CAMK4: variants seen among roughly 807,000 people sequenced by gnomAD.
CAMK4 encodes calcium/calmodulin dependent protein kinase IV, also known as calcium/calmodulin-dependent protein kinase type IV.
CAMK4 carries 22 observed loss-of-function variants against 44.9 expected under a neutral mutation model. The ratio of observed to expected loss-of-function variants is 0.49; its 90% CI spans 0.35 to 0.70. CAMK4 has a LOEUF of 0.70. CAMK4 is among the 30% of genes least tolerant of loss of function. CAMK4 has a pLI of 0.01. For synonymous variants in CAMK4, 218 were observed against 215.4 expected (o/e 1.01, Z -0.11); for missense variants, 498 against 586.8 (o/e 0.85, Z 1.56).
At chr5:111,271,322 T>TGA (rs1373840371) in intron 1 of CAMK4, among the ~76,000 whole-genome samples, 2 of 152,216 alleles carry the variant, frequency 1.3e-5, no homozygotes, top group Non-Finnish European at 2.9e-5. Context: ...TCTGGTTTCT[T>TGA]CAACATTAAG....
intron 1 of CAMK4, among the ~76,000 whole-genome samples, chr5:111,279,864 A>C (rs1269519666): frequency 6.6e-6 from 1 of 152,206 alleles, no homozygotes; most frequent in Non-Finnish European, 1.5e-5. Flanking sequence ...GGCAATCCAC[A>C]AATGCTGTTT....
chr5:111,461,340 C>G (rs535608144), intron 7 of CAMK4, among the ~76,000 whole-genome samples: 1 of 152,190 alleles, frequency 6.6e-6, no homozygotes, highest in Non-Finnish European at 1.5e-5. Context: ...CTGGAAGTCT[C>G]AGGTGTGATT....
At position 111,493,856 on chromosome 5, in the gene CAMK4, T is replaced by G. The variant is rs1755954499; in HGVS notation, c.*9390T>G. ...TGTGATTAGTGAATGGCGGCATTAT[T>G]CCTGAAGACAAATGAAGGAAGATAG... On this transcript the variant is annotated 3_prime_UTR_variant, in exon 11 of 11. Transcript: ENST00000282356. The surrounding 1 kb of genome is among the most constrained non-coding windows in gnomAD (Gnocchi z 4.1). 6.6e-6 allele frequency: 1 copy of G among 152,148 alleles called. No individual in the cohort carries two copies. Among genetic ancestry groups the G allele is most frequent in the South Asian group, 2.1e-4 (1 of 4,826 alleles). The allele number at this position is 152,148 out of a possible 1,614,324, so 9.4% of individuals were successfully genotyped here.
chr5:111,251,496 G>A (rs796352257), intron 1 of CAMK4, among the ~76,000 whole-genome samples: 31 of 152,284 alleles, frequency 2.0e-4, no homozygotes, highest in African/African-American at 7.5e-4. Flanking sequence ...TGTCCAGTGT[G>A]TTTACCATGT....
intron 1 of CAMK4, among the ~76,000 whole-genome samples, chr5:111,268,621 A>T (rs1650789): frequency 0.52 from 79,413 of 152,032 alleles, 21,106 homozygotes; most frequent in East Asian, 0.73. Flanking sequence ...GCTAAACTCA[A>T]GTCTAACTCT....
intron 7 of CAMK4, among the ~76,000 whole-genome samples, chr5:111,458,057 G>A (rs1580780071): frequency 6.6e-6 from 1 of 152,316 alleles, no homozygotes; most frequent in East Asian, 1.9e-4. Flanking sequence ...AAGGGGAGAG[G>A]AAGTGAGGCA....
chr5:111,311,760 A>G (rs1434623537), intron 1 of CAMK4, among the ~76,000 whole-genome samples: 4 of 152,188 alleles, frequency 2.6e-5, no homozygotes, highest in African/African-American at 7.2e-5. Flanking sequence ...CTCAAGGACA[A>G]TCATAAATAT....
chr5:111,483,290 A>G (rs1755495022), intron 10 of CAMK4, among the ~76,000 whole-genome samples: 1 of 152,206 alleles, frequency 6.6e-6, no homozygotes, highest in Non-Finnish European at 1.5e-5. Context: ...CAGAATATGT[A>G]AAACTTGGTA....
At chr5:111,462,216 T>G (rs564920689) in intron 7 of CAMK4, among the ~76,000 whole-genome samples, 1 of 152,240 alleles carries the variant, frequency 6.6e-6, no homozygotes, top group Non-Finnish European at 1.5e-5. Context: ...CTAGATCCTC[T>G]ACATCTCAGT....
chr5:111,418,819 C>T (rs1470277085), intron 5 of CAMK4, among the ~76,000 whole-genome samples: 1 of 152,148 alleles, frequency 6.6e-6, no homozygotes, highest in Non-Finnish European at 1.5e-5. Flanking sequence ...ATATGGGCCA[C>T]ATTTTCTTAA....
chr5:111,310,454 A>G (rs890218440), intron 1 of CAMK4, among the ~76,000 whole-genome samples: 13 of 152,198 alleles, frequency 8.5e-5, no homozygotes, highest in African/African-American at 3.1e-4. Flanking sequence ...AAGGCCTTGT[A>G]AGTCATGCTA....
chr5:111,466,711 G>A (rs1202357594), intron 7 of CAMK4, among the ~76,000 whole-genome samples: 4 of 151,860 alleles, frequency 2.6e-5, no homozygotes, highest in Admixed American at 6.6e-5. Flanking sequence ...GACACAAATG[G>A]GACATGTCCC....
At chr5:111,244,966 C>T (rs938831546) in intron 1 of CAMK4, among the ~76,000 whole-genome samples, 2 of 151,974 alleles carry the variant, frequency 1.3e-5, no homozygotes, top group African/African-American at 4.8e-5. Context: ...GAAAAGTGAA[C>T]GTTTGAGCAG....
intron 1 of CAMK4, among the ~76,000 whole-genome samples, chr5:111,257,791 A>T (rs903512377): frequency 6.6e-6 from 1 of 152,256 alleles, no homozygotes; most frequent in Non-Finnish European, 1.5e-5. Context: ...TGTGGTACAT[A>T]TATACCAAGG....
chr5:111,335,783 G>T (rs1443592872), intron 1 of CAMK4, among the ~76,000 whole-genome samples: 2 of 151,170 alleles, frequency 1.3e-5, no homozygotes, highest in Non-Finnish European at 3.0e-5. Context: ...AATGTGTGGG[G>T]ATATAATATA....
At chr5:111,276,714 TA>T (rs1263002488) in intron 1 of CAMK4, among the ~76,000 whole-genome samples, 28 of 152,280 alleles carry the variant, frequency 1.8e-4, no homozygotes, top group African/African-American at 5.8e-4. Flanking sequence ...TGGGGTGGGA[TA>T]GGGGTGCTTC....
rs1329857234 is a variant in CAMK4, at chr5:111,224,588, C to T, written c.105C>T (p.Asp35=). 1 of 1,612,296 alleles carries T rather than the reference C, an allele frequency of 6.2e-7. No homozygotes were observed. The highest frequency in any genetic ancestry group is 8.5e-7 in the Non-Finnish European group (1 of 1,179,640). The stretch of plus-strand genomic sequence containing the variant: ...GCCTCGTCCCGGATTACTGGATCGA[C>T]GGCTCCAACAGGGATGCGCTGAGCG... ...TASLVPDYWI[D]GSNRDALSDF... The change falls in exon 1 of 11, where the codon GAC becomes GAT. Residue 35 remains aspartate, a synonymous_variant. Coordinates refer to ENST00000282356, the MANE Select transcript of CAMK4 (RefSeq NM_001744.6). This position sits in a 1 kb window ranked among gnomAD's most constrained non-coding sequence, Gnocchi z 5.7.
chr5:111,331,475 T>C (rs989961469), intron 1 of CAMK4, among the ~76,000 whole-genome samples: 1 of 151,814 alleles, frequency 6.6e-6, no homozygotes, highest in Non-Finnish European at 1.5e-5. Flanking sequence ...TCTCATACCC[T>C]GCTTGTGGGA....
intron 7 of CAMK4, among the ~76,000 whole-genome samples, chr5:111,472,366 T>C (rs28694): frequency 6.6e-6 from 1 of 152,178 alleles, no homozygotes; most frequent in East Asian, 1.9e-4. Context: ...CTTCTTCAAG[T>C]ACGCTGCTGG....
Sources: allele counts gnomAD v4.1 joint callset (sites outside exome capture counted in the v4.1 genomes callset), GRCh38; gene constraint gnomAD v4.1.1; non-coding constraint Gnocchi (gnomAD v3.1); transcripts MANE v1.5; gene names NCBI Gene and HGNC (gene_info 2026-07-23, HGNC 2026-07-21).